The following RELB variants were observed in gnomAD, a reference collection of about 807,000 sequenced individuals.
The protein encoded by RELB is transcription factor RelB.
Under a neutral mutation model 55.4 loss-of-function variants are expected in RELB, and 14 were observed. That is an observed-to-expected ratio of 0.25 (90% CI 0.17 to 0.40). The LOEUF (loss-of-function observed/expected upper bound fraction) is 0.40. Among genes scored for constraint, RELB ranks in the 10% least tolerant of loss-of-function variants. The probability of loss-of-function intolerance (pLI) is 1.00; values close to 1 mark genes in which losing one functional copy is unlikely to be tolerated. For synonymous variants in RELB, 409 were observed against 371.3 expected (o/e 1.10, Z -1.17); for missense variants, 669 against 830.7 (o/e 0.81, Z 2.39).
intron 4 of RELB, among the ~76,000 whole-genome samples, chr19:45,019,866 G>T (rs181933249): frequency 6.6e-6 from 1 of 151,936 alleles, no homozygotes; most frequent in African/African-American, 2.4e-5. Context: ...TAGTAGAGAC[G>T]GTGTTTCTCC....
intron 8 of RELB, among the ~76,000 whole-genome samples, chr19:45,030,371 C>A (rs747937045): frequency 6.6e-6 from 1 of 152,164 alleles, no homozygotes; most frequent in Non-Finnish European, 1.5e-5. Flanking sequence ...GTGGCTCACA[C>A]CTGTAATCCC....
chr19:45,034,187 G>A, intron 9 of RELB, 57 bp from the exon 10 acceptor site: 1 of 1,126,760 alleles, frequency 8.9e-7, no homozygotes, highest in Middle Eastern at 2.4e-4. Flanking sequence ...AATAAATAAA[G>A]GAATTAATTA....
intron 5 of RELB, 108 bp from the exon 6 acceptor site, chr19:45,025,221 C>T: frequency 1.3e-6 from 1 of 752,236 alleles, no homozygotes. Flanking sequence ...GGATGTCAGC[C>T]CCTGAGAGCC....
At chr19:45,008,000 CAAAAAAAAA>C (rs57007961) in intron 2 of RELB, among the ~76,000 whole-genome samples, 2 of 63,012 alleles carry the variant, frequency 3.2e-5, no homozygotes, top group Admixed American at 2.2e-4. Context: ...GCTAAAAATA[CAAAAAAAAA>C]AAAAAAAAAA....
chr19:45,010,344 G>C (rs1306513332), intron 3 of RELB, among the ~76,000 whole-genome samples: 1 of 150,068 alleles, frequency 6.7e-6, no homozygotes, highest in Non-Finnish European at 1.5e-5. Context: ...ATAAAATAAT[G>C]TTATTAATCC....
chr19:45,008,379 C>A (rs1451594627), intron 2 of RELB: 1 of 454,932 alleles, frequency 2.2e-6, no homozygotes, highest in East Asian at 7.0e-5. Flanking sequence ...CCAGCCACAG[C>A]CGCCCAGGAC....
At chr19:45,014,166 G>A (rs1471128112) in intron 4 of RELB, among the ~76,000 whole-genome samples, 1 of 144,254 alleles carries the variant, frequency 6.9e-6, no homozygotes, top group Non-Finnish European at 1.5e-5. Context: ...TAATTTCTAA[G>A]GCTTTTTTTT....
rs1039624578 is a variant in RELB at position 45,003,915 on chromosome 19, G to GTTTTTTTTTTTTTTTTTTTTTTTTTTT, written c.154+945_154+946insTTTTTTTTTTTTTTTTTTTTTTTTTTT. Reference sequence around the variant, plus strand: ...TGGGTTTTTTTTGTCTGTTTTTTGTGTTTTTTTTTTTTTTTTTTTTTTTTT... The same window carrying GTTTTTTTTTTTTTTTTTTTTTTTTTTT: ...TGGGTTTTTTTTGTCTGTTTTTTGTGTTTTTTTTTTTTTTTTTTTTTTTTTTTTTTTTTTTTTTTTTTTTTTTTTTTT... On this transcript the variant is annotated intron_variant, in intron 2 of 11. Coordinates refer to ENST00000221452, the MANE Select transcript of RELB (RefSeq NM_006509.4). Among the ~76,000 whole-genome samples the GTTTTTTTTTTTTTTTTTTTTTTTTTTT allele has an allele frequency of 1.9e-4, 12 of 63,576 alleles. 1 individual carries two copies. Among genetic ancestry groups the GTTTTTTTTTTTTTTTTTTTTTTTTTTT allele is most frequent in the Non-Finnish European group, 2.8e-4 (10 of 35,654 alleles). 41.7% of individuals were successfully genotyped at this position (63,576 alleles called of 152,430 possible).
chr19:45,028,249 T>A (rs1018796069), intron 7 of RELB, among the ~76,000 whole-genome samples: 1 of 152,068 alleles, frequency 6.6e-6, no homozygotes, highest in Admixed American at 6.6e-5. Context: ...CTTGAACTTC[T>A]GGCCTCACGT....
chr19:45,021,248 C>T (rs574667596), intron 4 of RELB, among the ~76,000 whole-genome samples: 132 of 151,948 alleles, frequency 8.7e-4, no homozygotes, highest in Middle Eastern at 3.4e-3. Context: ...CCGAGGCGGG[C>T]GGATCACGAG....
Position 45,019,254 on chromosome 19 carries a change from G to T in RELB, c.505-2799G>T, listed in dbSNP as rs1035577125. 4.6e-5 allele frequency among the ~76,000 whole-genome samples: 7 copies of T among 151,916 alleles called. No homozygotes were observed. In the East Asian group the frequency reaches 1.4e-3, roughly 29 times the overall value. On this transcript the variant is annotated intron_variant, in intron 4 of 11. Transcript: ENST00000221452. ...ATTTTTGTATTTTTTGTAGAGATGG[G>T]GTCTGCACATGTTGCCCAGGCTGGT...
chr19:45,004,578 CAT>C (rs1487315108), intron 2 of RELB, among the ~76,000 whole-genome samples: 2 of 150,398 alleles, frequency 1.3e-5, no homozygotes, highest in Admixed American at 1.3e-4. Context: ...CTAGTTAAAA[CAT>C]AATGTCGCCT....
intron 2 of RELB, chr19:45,008,330 C>T: frequency 2.3e-6 from 1 of 431,110 alleles, no homozygotes; most frequent in East Asian, 7.1e-5. Context: ...TAGCAAGTTG[C>T]AGAGCCAGGA....
chr19:45,012,908 G>A (rs538640485), intron 4 of RELB, among the ~76,000 whole-genome samples: 58 of 151,916 alleles, frequency 3.8e-4, no homozygotes, highest in African/African-American at 1.3e-3. Flanking sequence ...AATTAGCCAG[G>A]TGTGGTGGCA....
At chr19:45,028,624 A>G (rs35886018) in intron 7 of RELB, among the ~76,000 whole-genome samples, 1,644 of 152,212 alleles carry the variant, frequency 0.011, 26 homozygotes, top group African/African-American at 0.038. Context: ...GTGAGCCACC[A>G]TGCCCGGCAA....
In RELB at chr19:45,028,952, T is replaced by G; in HGVS notation, c.951T>G (p.Gly317=). 1 of 1,596,650 alleles carries G rather than the reference T, an allele frequency of 6.3e-7. No homozygotes were observed. Among genetic ancestry groups the G allele is most frequent in the Non-Finnish European group, 8.5e-7 (1 of 1,172,268 alleles). Residue 317 remains glycine (G), a synonymous_variant, in exon 8 of 12, where the codon GGT becomes GGG. Transcript: ENST00000221452. ...RINKESGPCT[G]GEELYLLCDK... is the part of the protein sequence containing the mutation. ...ACAAGGAAAGCGGGCCGTGCACCGG[T>G]GGCGAGGAGCTCTACTTGCTCTGCG...
chr19:45,023,829 C>A (rs1461877306), intron 5 of RELB, among the ~76,000 whole-genome samples: 2 of 137,226 alleles, frequency 1.5e-5, no homozygotes, highest in Non-Finnish European at 3.0e-5. Context: ...CTGCTCACTG[C>A]AATCTCTGCC....
chr19:45,005,823 G>A (rs554136628), intron 2 of RELB, among the ~76,000 whole-genome samples: 1 of 152,112 alleles, frequency 6.6e-6, no homozygotes, highest in Non-Finnish European at 1.5e-5. Flanking sequence ...AGGCCGGTCT[G>A]GAACTCCTGG....
At chr19:45,014,801 G>A (rs567799769) in intron 4 of RELB, among the ~76,000 whole-genome samples, 1 of 151,886 alleles carries the variant, frequency 6.6e-6, no homozygotes, top group Non-Finnish European at 1.5e-5. Flanking sequence ...TTACAGGTGT[G>A]AGCCACCGTG....
Sources: allele counts gnomAD v4.1 joint callset (sites outside exome capture counted in the v4.1 genomes callset), GRCh38; gene constraint gnomAD v4.1.1; transcripts MANE v1.5; gene names NCBI Gene and HGNC (gene_info 2026-07-23, HGNC 2026-07-21).